Variants in RNF130 observed in about 807,000 individuals in gnomAD.
RNF130 encodes ring finger protein 130.
RNF130 carries 21 observed loss-of-function variants against 44.6 expected under a neutral mutation model. That is an observed-to-expected ratio of 0.47 (90% CI 0.33 to 0.68). The LOEUF (loss-of-function observed/expected upper bound fraction) is 0.68. RNF130 is among the 30% of genes least tolerant of loss of function. RNF130 has a pLI of 0.02. For missense variants in RNF130, 479 were observed against 560.6 expected, an observed-to-expected ratio of 0.85 and a Z score of 1.47; for synonymous variants, 214 against 210.4, an observed-to-expected ratio of 1.02 and a Z score of -0.15.
At chr5:179,962,051 A>G (rs1251644496) in intron 8 of RNF130, among the ~76,000 whole-genome samples, 3 of 152,232 alleles carry the variant, frequency 2.0e-5, no homozygotes, top group African/African-American at 7.2e-5. Flanking sequence ...CAGGTCTTAC[A>G]ACTGAAAAAC....
At chr5:180,020,909 C>G (rs1054765037) in intron 2 of RNF130, among the ~76,000 whole-genome samples, 1 of 152,194 alleles carries the variant, frequency 6.6e-6, no homozygotes, top group Non-Finnish European at 1.5e-5. Context: ...CCACAAATTA[C>G]TGATCCTCTC....
At chr5:179,987,675 CA>C (rs1762986339) in intron 3 of RNF130, among the ~76,000 whole-genome samples, 1 of 152,342 alleles carries the variant, frequency 6.6e-6, no homozygotes, top group African/African-American at 2.4e-5. Context: ...ACCTAATTTG[CA>C]AAGAGTGTTG....
chr5:179,995,349 G>A (rs138228883), intron 3 of RNF130, among the ~76,000 whole-genome samples: 1 of 152,310 alleles, frequency 6.6e-6, no homozygotes, highest in African/African-American at 2.4e-5. Flanking sequence ...CCAGTCCCAT[G>A]ATGGGGGTGC....
intron 3 of RNF130, among the ~76,000 whole-genome samples, chr5:179,982,583 GTTTTGTTTTT>G (rs1762863148): frequency 2.6e-5 from 4 of 151,776 alleles, no homozygotes; most frequent in Admixed American, 2.6e-4. Flanking sequence ...GTTTTGTTTT[GTTTTGTTTTT>G]AAGACAAGGT....
At chr5:179,928,199 G>A (rs1022619501) in intron 7 of RNF130, among the ~76,000 whole-genome samples, 1 of 152,068 alleles carries the variant, frequency 6.6e-6, no homozygotes, top group South Asian at 2.1e-4. Flanking sequence ...CCTTTCCCTC[G>A]GATGATGCCT....
At chr5:179,946,875 G>T (rs1009732334) in intron 7 of RNF130, among the ~76,000 whole-genome samples, 6 of 152,178 alleles carry the variant, frequency 3.9e-5, no homozygotes, top group Admixed American at 3.9e-4. Context: ...CTTTTCATCA[G>T]CTGGGTTTGC....
At chr5:180,054,018 T>C (rs542012360) in intron 1 of RNF130, among the ~76,000 whole-genome samples, 39 of 152,078 alleles carry the variant, frequency 2.6e-4, no homozygotes, top group Admixed American at 1.0e-3. Context: ...GGTTTCACTA[T>C]GTTGGCCAGG....
intron 2 of RNF130, among the ~76,000 whole-genome samples, chr5:180,026,102 T>C (rs1250810210): frequency 1.3e-5 from 2 of 150,172 alleles, no homozygotes; most frequent in African/African-American, 2.5e-5. Flanking sequence ...ATTCAACTAA[T>C]TTTGTTCAAC....
Position 179,955,603 on chromosome 5 carries a change from GTTC to G in RNF130, c.*48_*50del. 6.6e-7 allele frequency: 1 copy of G among 1,511,700 alleles called. No individual in the cohort carries two copies. The highest frequency in any genetic ancestry group is 9.0e-7 in the Non-Finnish European group (1 of 1,111,816). The allele number at this position is 1,511,700 out of a possible 1,614,324, so 93.6% of individuals were successfully genotyped here. A position where few individuals can be genotyped will look rare whatever the true frequency, so the allele number is the denominator to read the frequency against. The stretch of plus-strand genomic sequence containing the variant: ...ATTGGTAAATGATGCACAAAAATAG[GTTC>G]TTTTTTCCTTCAAGGCAAAATCAGT... On this transcript the variant is annotated 3_prime_UTR_variant, in exon 9 of 9. Transcript: ENST00000521389.
At chr5:179,985,529 A>AG (rs1181651562) in intron 3 of RNF130, among the ~76,000 whole-genome samples, 8 of 152,134 alleles carry the variant, frequency 5.3e-5, no homozygotes, top group African/African-American at 1.9e-4. Context: ...CTGGGTGGCC[A>AG]GGGGCATTAT....
intron 7 of RNF130, among the ~76,000 whole-genome samples, chr5:179,921,202 C>A (rs1178292457): frequency 6.6e-6 from 1 of 152,104 alleles, no homozygotes; most frequent in Non-Finnish European, 1.5e-5. Flanking sequence ...CCAGTGACAC[C>A]GACACCACCA....
intron 3 of RNF130, among the ~76,000 whole-genome samples, chr5:179,993,309 A>G (rs1369395043): frequency 1.3e-5 from 2 of 152,244 alleles, no homozygotes; most frequent in Non-Finnish European, 2.9e-5. Flanking sequence ...ACTGTCTTCC[A>G]CAATGGTTGA....
Position 179,970,464 on chromosome 5 carries a change from T to G in RNF130, c.891A>C (p.Glu297Asp). 6.2e-7 allele frequency: 1 copy of G among 1,613,662 alleles called. No homozygotes were observed. The highest frequency in any genetic ancestry group is 1.3e-5 in the African/African-American group (1 of 75,052). The change falls in exon 6 of 9, where the codon GAA becomes GAC. Residue 297 changes from glutamate to aspartate, a missense_variant. Physicochemically the swap from Glu to Asp is conservative, Grantham distance 45. Transcript: ENST00000521389. ...GTTTGCACATAGGACAGGTACAATG[T>G]TCACTAAGCCAGGGATCCACGCAGG... The part of the protein sequence containing the change: ...HKSCVDPWLS[E>D]HCTCPMCKLN...
chr5:180,009,415 T>C (rs184256430), intron 3 of RNF130, among the ~76,000 whole-genome samples: 9 of 152,212 alleles, frequency 5.9e-5, no homozygotes, highest in Non-Finnish European at 1.2e-4. Context: ...AAAAACAATC[T>C]AGGTAGAAAA....
In RNF130 at chr5:180,043,375, T is replaced by G. The variant is rs150225056; in HGVS notation, c.248-2728A>C. Among the ~76,000 whole-genome samples, 28 of 152,190 alleles carry G rather than the reference T, an allele frequency of 1.8e-4. No individual in the cohort carries two copies. In the East Asian group the frequency reaches 4.7e-3, roughly 25 times the overall value. The stretch of plus-strand genomic sequence containing the variant: ...TCTTCAATGCTTAAAAAACACTCTT[T>G]CCCTTTGTTTGTTTCACTGACATTC... On this transcript the variant is annotated intron_variant, in intron 1 of 8. Transcript: ENST00000521389.
intron 3 of RNF130, among the ~76,000 whole-genome samples, chr5:180,001,242 G>A (rs1763329613): frequency 6.6e-6 from 1 of 152,114 alleles, no homozygotes; most frequent in Non-Finnish European, 1.5e-5. Context: ...TACTATTCTT[G>A]CTTTCCCCAC....
chr5:180,033,170 C>A (rs577203470), intron 2 of RNF130, among the ~76,000 whole-genome samples: 7 of 151,932 alleles, frequency 4.6e-5, no homozygotes, highest in African/African-American at 1.7e-4. Context: ...TTTGTAGAGA[C>A]AGGGTCCCCC....
chr5:179,971,312 C>CGTCT (rs1762581007), intron 5 of RNF130, among the ~76,000 whole-genome samples: 1 of 152,154 alleles, frequency 6.6e-6, no homozygotes, highest in South Asian at 2.1e-4. Flanking sequence ...CCAGGACAGA[C>CGTCT]GTTCAGGGCA....
chr5:180,042,465 G>A (rs1764442552), intron 1 of RNF130, among the ~76,000 whole-genome samples: 1 of 152,156 alleles, frequency 6.6e-6, no homozygotes, highest in Admixed American at 6.5e-5. Flanking sequence ...CCTATGTCAT[G>A]ATTTTAGGAG....
Sources: gnomAD v4.1 joint callset for allele counts (sites outside exome capture counted in the v4.1 genomes callset) on GRCh38, gnomAD v4.1.1 for gene constraint, MANE v1.5 for transcripts, NCBI Gene and HGNC (gene_info 2026-07-23, HGNC 2026-07-21) for gene names.